The following ABCC5 variants were observed in gnomAD, a reference collection of about 807,000 sequenced individuals.
ABCC5 encodes ATP-binding cassette sub-family C member 5.
In ABCC5, 61 loss-of-function variants were observed where a neutral mutation model predicts 160.9. The observed-to-expected ratio is 0.38, with a 90% CI of 0.31 to 0.47. The LOEUF is 0.47. ABCC5 is among the 20% of genes least tolerant of loss of function. ABCC5 has a pLI of 0.99. For missense variants in ABCC5, 1,308 were observed against 1,813.3 expected (o/e 0.72, Z 5.06); for synonymous variants, 666 against 700.6 (o/e 0.95, Z 0.78).
At chr3:183,932,081 C>T (rs1026586999) in intron 26 of ABCC5, among the ~76,000 whole-genome samples, 1 of 152,164 alleles carries the variant, frequency 6.6e-6, no homozygotes, top group Non-Finnish European at 1.5e-5. Flanking sequence ...AAGTGTGAGA[C>T]AACACAGCAA....
intron 2 of ABCC5, among the ~76,000 whole-genome samples, chr3:184,004,020 T>C (rs1271153005): frequency 2.0e-5 from 3 of 152,158 alleles, no homozygotes; most frequent in Admixed American, 6.5e-5. Context: ...TTTAAAACAA[T>C]ACCAATGTCT....
chr3:183,965,549 C>T (rs1379457594), intron 12 of ABCC5, 48 bp from the exon 13 acceptor site: 38 of 1,603,850 alleles, frequency 2.4e-5, no homozygotes, highest in Non-Finnish European at 3.2e-5. Context: ...AAAACCATCA[C>T]CCTATGCCAA....
chr3:183,943,007 T>C (rs1288483629), intron 24 of ABCC5, 91 bp from the exon 25 acceptor site: 4 of 1,362,376 alleles, frequency 2.9e-6, no homozygotes, highest in South Asian at 2.8e-5. Context: ...AGGACAACCA[T>C]AGTAGCCACA....
At chr3:183,939,482 A>T (rs1355534360) in intron 25 of ABCC5, among the ~76,000 whole-genome samples, 2 of 152,234 alleles carry the variant, frequency 1.3e-5, no homozygotes, top group Non-Finnish European at 1.5e-5. Context: ...ACCATCTTTT[A>T]AAAAAATTTT....
At chr3:183,962,741 C>T (rs529596859) in intron 15 of ABCC5, among the ~76,000 whole-genome samples, 2 of 151,816 alleles carry the variant, frequency 1.3e-5, no homozygotes, top group Non-Finnish European at 2.9e-5. Flanking sequence ...CAGTTGGTCT[C>T]GAACTCCTGA....
rs553904717 is a variant in ABCC5 at position 183,956,407 on chromosome 3, C to T, written c.2483-3137G>A. Among the ~76,000 whole-genome samples, 12 of 150,802 alleles carry T rather than the reference C, an allele frequency of 8.0e-5. No homozygotes were observed. The South Asian group carries it at 2.1e-3, about 26-fold the overall frequency. On this transcript the variant is annotated intron_variant, in intron 17 of 29. Transcript: ENST00000334444. ...AAATCACATAGGTTACATGCAGATCCGTGTGTATATCATATCGGTTACATG... is the reference window on the plus strand; with the variant it reads ...AAATCACATAGGTTACATGCAGATCTGTGTGTATATCATATCGGTTACATG...
At chr3:183,952,691 G>A (rs1715491109) in intron 18 of ABCC5, among the ~76,000 whole-genome samples, 1 of 152,162 alleles carries the variant, frequency 6.6e-6, no homozygotes, top group African/African-American at 2.4e-5. Context: ...TGTGAAGAAG[G>A]TGCCTCCTTC....
chr3:183,988,529 C>A lies in ABCC5; in HGVS notation c.443+43G>T. ...TTCACACTCCTAGCTCAGGCCCTGC[C>A]CACCCGGCATGGGGGAGATGAGGGT... On this transcript the variant is annotated intron_variant, in intron 4 of 29. Transcript: ENST00000334444. This position sits in a 1 kb window ranked among gnomAD's most constrained non-coding sequence, Gnocchi z 4.4. 6.3e-7 allele frequency: 1 copy of A among 1,579,042 alleles called. No individual in the cohort carries two copies. Among genetic ancestry groups the A allele is most frequent in the South Asian group, 1.2e-5 (1 of 84,522 alleles).
At chr3:183,934,334 C>G (rs917637693) in intron 26 of ABCC5, among the ~76,000 whole-genome samples, 1 of 152,044 alleles carries the variant, frequency 6.6e-6, no homozygotes, top group Non-Finnish European at 1.5e-5. Flanking sequence ...CTCTGGGATC[C>G]GTAACAAACC....
At chr3:183,930,601 G>A (rs1307318612) in intron 26 of ABCC5, among the ~76,000 whole-genome samples, 2 of 152,194 alleles carry the variant, frequency 1.3e-5, no homozygotes, top group East Asian at 1.9e-4. Context: ...AGATGGCCAC[G>A]TGAAGGCAGA....
At chr3:183,999,724 A>G in intron 2 of ABCC5, among the ~76,000 whole-genome samples, 1 of 152,012 alleles carries the variant, frequency 6.6e-6, no homozygotes, top group East Asian at 1.9e-4. Context: ...GGGTACAGTG[A>G]GCCATGATTG....
At position 183,971,801 on chromosome 3, in the gene ABCC5, T is replaced by C; in HGVS notation, c.1523A>G (p.Asn508Ser). ...CATTTTGGGGGTCAGCTTGGGCGAG[T>C]TCTGGATACTGGAGTGGGAGGAGTC... The part of the protein sequence containing the change: ...AWDSSHSSIQ[N>S]SPKLTPKMKK... Residue 508 changes from asparagine (N) to serine (S), a missense_variant, in exon 11 of 30, where the codon AAC (asparagine) becomes AGC (serine). By Grantham distance (46) the Asn-to-Ser change is conservative. Transcript: ENST00000334444. 1.9e-6 allele frequency: 3 copies of C among 1,614,048 alleles called. No individual in the cohort carries two copies. In the South Asian group the frequency reaches 3.3e-5, roughly 18 times the overall value.
intron 12 of ABCC5, among the ~76,000 whole-genome samples, chr3:183,966,798 A>G (rs914256440): frequency 6.6e-6 from 1 of 152,154 alleles, no homozygotes; most frequent in Non-Finnish European, 1.5e-5. Context: ...AAGGAGGACC[A>G]CAACTCACCA....
At chr3:183,993,011 A>AT (rs1201912986) in intron 2 of ABCC5, among the ~76,000 whole-genome samples, 1 of 152,186 alleles carries the variant, frequency 6.6e-6, no homozygotes, top group Admixed American at 6.5e-5. Flanking sequence ...ATTGAGTACA[A>AT]TTTTTTGTAA....
intron 2 of ABCC5, among the ~76,000 whole-genome samples, chr3:184,013,188 C>T (rs987816166): frequency 1.5e-4 from 23 of 152,184 alleles, no homozygotes; most frequent in African/African-American, 5.6e-4. Context: ...GAAAAACATA[C>T]TGATAATCCC....
rs62285811 is a variant in ABCC5 at position 184,002,584 on chromosome 3, C to A, written c.129+11680G>T. On this transcript the variant is annotated intron_variant, in intron 2 of 29. Coordinates refer to ENST00000334444, the MANE Select transcript of ABCC5 (RefSeq NM_005688.4). Reference sequence around the variant, plus strand: ...AAGACGCTTCTGCGGGCGCTAACGCCATCCTCAGGCCTCAGATAATCAGCG... The same window carrying A: ...AAGACGCTTCTGCGGGCGCTAACGCAATCCTCAGGCCTCAGATAATCAGCG... Among the ~76,000 whole-genome samples the A allele has an allele frequency of 4.5e-4, 68 of 152,304 alleles. 1 individual carries two copies. The highest frequency in any genetic ancestry group is 1.7e-3 in the South Asian group (8 of 4,830).
Position 183,921,489 on chromosome 3 carries a change from C to T in ABCC5, c.4213-88G>A. On this transcript the variant is annotated intron_variant, in intron 29 of 29. Transcript: ENST00000334444. The surrounding 1 kb of genome is among the most constrained non-coding windows in gnomAD (Gnocchi z 4.1). ...CCACGGCTCAGTAAGTGCCAGTGCC[C>T]TCTGAGGGTAGAATCTGGGGACAAT... is the stretch of plus-strand genomic sequence containing the variant. The T allele has an allele frequency of 8.1e-7, 1 of 1,236,978 alleles. No individual in the cohort carries two copies. The highest frequency in any genetic ancestry group is 1.1e-6 in the Non-Finnish European group (1 of 908,494). 76.6% of individuals were successfully genotyped at this position (1,236,978 alleles called of 1,614,324 possible).
chr3:183,922,586 T>C (rs1712111475), intron 29 of ABCC5, among the ~76,000 whole-genome samples: 1 of 152,188 alleles, frequency 6.6e-6, no homozygotes, highest in South Asian at 2.1e-4. Context: ...ATTCCTATGA[T>C]GGACTTCTAT....
intron 2 of ABCC5, among the ~76,000 whole-genome samples, chr3:183,999,003 T>C (rs1351421964): frequency 6.6e-6 from 1 of 151,750 alleles, no homozygotes; most frequent in Admixed American, 6.6e-5. Flanking sequence ...GGCAGAAGAA[T>C]TGCTTGAACC....
Sources: gnomAD v4.1 joint callset for allele counts (sites outside exome capture counted in the v4.1 genomes callset) on GRCh38, gnomAD v4.1.1 for gene constraint, Gnocchi (gnomAD v3.1) non-coding constraint, MANE v1.5 for transcripts, NCBI Gene and HGNC (gene_info 2026-07-23, HGNC 2026-07-21) for gene names.